The following MDGA2 variants were observed in gnomAD, a reference collection of about 807,000 sequenced individuals.
MDGA2 encodes MAM domain containing glycosylphosphatidylinositol anchor 2.
MDGA2 carries 40 observed loss-of-function variants against 117.8 expected under a neutral mutation model. The observed-to-expected ratio is 0.34, with a 90% CI of 0.26 to 0.44. MDGA2 has a LOEUF of 0.44. MDGA2 is among the 20% of genes least tolerant of loss of function. The pLI, the probability that MDGA2 is intolerant of heterozygous loss-of-function variation, is 1.00. For synonymous variants in MDGA2, 452 were observed against 439.0 expected (o/e 1.03, Z -0.37); for missense variants, 1,123 against 1,250.6 (o/e 0.90, Z 1.54).
intron 1 of MDGA2, among the ~76,000 whole-genome samples, chr14:47,622,307 A>G (rs1248143536): frequency 6.6e-6 from 1 of 152,212 alleles, no homozygotes; most frequent in African/African-American, 2.4e-5. Flanking sequence ...ACACTTAACT[A>G]TGAGTCAGAC....
At chr14:47,310,983 G>T (rs1014056146) in intron 1 of MDGA2, among the ~76,000 whole-genome samples, 1 of 152,082 alleles carries the variant, frequency 6.6e-6, no homozygotes, top group African/African-American at 2.4e-5. Context: ...AATAGTGTCA[G>T]AAGCCATATA....
At chr14:47,343,139 C>A in intron 1 of MDGA2, 1 of 1,185,466 alleles carries the variant, frequency 8.4e-7, no homozygotes, top group Non-Finnish European at 1.1e-6. Context: ...AATGAAACAG[C>A]TGAGGTTACT....
intron 1 of MDGA2, among the ~76,000 whole-genome samples, chr14:47,322,080 CAG>C (rs1168972808): frequency 6.6e-6 from 1 of 152,048 alleles, no homozygotes; most frequent in African/African-American, 2.4e-5. Flanking sequence ...AAGAGAGAGA[CAG>C]AGACAGAGCG....
At chr14:47,674,214 CAA>C (rs1404510577) in intron 1 of MDGA2, among the ~76,000 whole-genome samples, 2 of 152,152 alleles carry the variant, frequency 1.3e-5, no homozygotes, top group African/African-American at 4.8e-5. Context: ...ATTATTAAAT[CAA>C]AGACTGCTGG....
intron 1 of MDGA2, among the ~76,000 whole-genome samples, chr14:47,385,699 C>T (rs1052261385): frequency 1.3e-5 from 2 of 152,078 alleles, no homozygotes; most frequent in African/African-American, 4.8e-5. Context: ...TTCTAAATGT[C>T]AGGAGCAAAG....
Position 47,469,173 on chromosome 14 carries a change from T to C in MDGA2, c.281-167623A>G, listed in dbSNP as rs560232856. Among the ~76,000 whole-genome samples, 80 of 152,242 alleles carry C rather than the reference T, an allele frequency of 5.3e-4. 1 individual carries two copies. Among genetic ancestry groups the C allele is most frequent in the African/African-American group, 1.8e-3 (73 of 41,542 alleles). On this transcript the variant is annotated intron_variant, in intron 1 of 16. Transcript: ENST00000399232. ...TTTCTTTTTTTTTCTTTTTTTATTA[T>C]TCTTTAAGTTTTAGGGTACATGTGC...
intron 1 of MDGA2, among the ~76,000 whole-genome samples, chr14:47,342,557 C>G (rs1396702962): frequency 6.6e-6 from 1 of 151,916 alleles, no homozygotes; most frequent in Non-Finnish European, 1.5e-5. Flanking sequence ...ATATTGTTTT[C>G]TTATATCTGT....
At chr14:46,951,761 G>A (rs1885378162) in intron 9 of MDGA2, among the ~76,000 whole-genome samples, 1 of 151,934 alleles carries the variant, frequency 6.6e-6, no homozygotes, top group Non-Finnish European at 1.5e-5. Flanking sequence ...CCAACAGTCT[G>A]ACTGCAGCCT....
At chr14:47,154,551 T>C (rs1883291933) in intron 3 of MDGA2, among the ~76,000 whole-genome samples, 1 of 152,208 alleles carries the variant, frequency 6.6e-6, no homozygotes. Flanking sequence ...CTGCTCCCAC[T>C]GCCTGGCCTC....
chr14:47,488,747 G>A (rs1227907516), intron 1 of MDGA2, among the ~76,000 whole-genome samples: 1 of 152,008 alleles, frequency 6.6e-6, no homozygotes, highest in African/African-American at 2.4e-5. Flanking sequence ...TTGAGAGTAT[G>A]TAATAAATCA....
chr14:47,044,827 C>A (rs936241871), intron 7 of MDGA2, among the ~76,000 whole-genome samples: 5 of 152,152 alleles, frequency 3.3e-5, no homozygotes, highest in African/African-American at 1.2e-4. Flanking sequence ...TCCACGCATA[C>A]ACACACATAC....
At chr14:46,871,207 A>C (rs1342978073) in intron 14 of MDGA2, 1 of 151,904 alleles carries the variant, frequency 6.6e-6, no homozygotes, top group East Asian at 1.9e-4. Context: ...TCTGTTTCTG[A>C]ATGATTTTAC....
chr14:47,645,741 T>C (rs1594960445), intron 1 of MDGA2, among the ~76,000 whole-genome samples: 1 of 151,736 alleles, frequency 6.6e-6, no homozygotes, highest in South Asian at 2.1e-4. Flanking sequence ...ATGTAACTAT[T>C]TAACAAAACA....
intron 6 of MDGA2, among the ~76,000 whole-genome samples, chr14:47,066,191 G>A (rs1890072731): frequency 1.3e-5 from 2 of 152,106 alleles, no homozygotes; most frequent in African/African-American, 2.4e-5. Context: ...GAACACCTGG[G>A]GTTGGAGTGG....
intron 1 of MDGA2, among the ~76,000 whole-genome samples, chr14:47,446,607 T>A (rs964858518): frequency 2.6e-5 from 4 of 151,922 alleles, no homozygotes; most frequent in Admixed American, 6.6e-5. Context: ...GAAAAAAAAA[T>A]TCTTGCATGA....
chr14:47,378,674 C>T (rs886554002), intron 1 of MDGA2, among the ~76,000 whole-genome samples: 1 of 151,860 alleles, frequency 6.6e-6, no homozygotes, highest in Non-Finnish European at 1.5e-5. Context: ...AGAAAAAAGA[C>T]TAAAAAAAAT....
chr14:47,296,288 T>G (rs79982186), intron 2 of MDGA2, among the ~76,000 whole-genome samples: 4,157 of 152,126 alleles, frequency 0.027, 140 homozygotes, highest in East Asian at 0.18. Context: ...GCTACAAAAC[T>G]CAGAAGCCAA....
chr14:47,475,278 C>T (rs1038487529), intron 1 of MDGA2, among the ~76,000 whole-genome samples: 5 of 152,090 alleles, frequency 3.3e-5, no homozygotes, highest in East Asian at 1.9e-4. Flanking sequence ...AATGAGATAC[C>T]ATCTTGTGCC....
chr14:46,965,957 G>C (rs1210564322), intron 8 of MDGA2, among the ~76,000 whole-genome samples: 1 of 151,568 alleles, frequency 6.6e-6, no homozygotes, highest in Admixed American at 6.6e-5. Context: ...GTAGGTGCCT[G>C]TGTTTTGTTC....
Sources: gnomAD v4.1 joint callset for allele counts (sites outside exome capture counted in the v4.1 genomes callset) on GRCh38, gnomAD v4.1.1 for gene constraint, MANE v1.5 for transcripts, NCBI Gene and HGNC (gene_info 2026-07-23, HGNC 2026-07-21) for gene names.